The following MNAT1 variants were observed in gnomAD, a reference collection of about 807,000 sequenced individuals.
MNAT1 encodes the protein CDK-activating kinase assembly factor MAT1.
Under a neutral mutation model 42.0 loss-of-function variants are expected in MNAT1, and 43 were observed. The observed-to-expected ratio is 1.02, with a 90% CI of 0.80 to 1.32. The LOEUF (loss-of-function observed/expected upper bound fraction) is 1.32, where lower values mean the gene tolerates loss of function less well. Among genes scored for constraint, MNAT1 ranks in the 40% most tolerant of loss-of-function variants. The pLI is 0.00. For missense variants in MNAT1, 306 were observed against 350.4 expected (o/e 0.87, Z 1.01); for synonymous variants, 118 against 120.0 (o/e 0.98, Z 0.11).
At chr14:60,735,028 C>A in intron 1 of MNAT1, 77 bp downstream of exon 1, 1 of 1,381,030 alleles carries the variant, frequency 7.2e-7, no homozygotes, top group Non-Finnish European at 1.0e-6. Flanking sequence ...TGCTAGGCCT[C>A]GTCTTGGGAG....
At chr14:60,760,969 A>G (rs566545999) in intron 1 of MNAT1, among the ~76,000 whole-genome samples, 55 of 152,306 alleles carry the variant, frequency 3.6e-4, no homozygotes, top group African/African-American at 1.3e-3. Flanking sequence ...AAAACCAAAG[A>G]TTTTGCACAT....
intron 5 of MNAT1, among the ~76,000 whole-genome samples, chr14:60,814,646 A>G (rs946771739): frequency 2.6e-4 from 40 of 152,338 alleles, no homozygotes; most frequent in African/African-American, 8.7e-4. Context: ...AAGAGAAAGC[A>G]AGATTACTTA....
intron 7 of MNAT1, among the ~76,000 whole-genome samples, chr14:60,890,614 G>A (rs1434137204): frequency 6.6e-6 from 1 of 152,318 alleles, no homozygotes; most frequent in East Asian, 1.9e-4. Context: ...GTCTGTGGCC[G>A]AAGGCTTGAG....
At chr14:60,878,479 T>C (rs765129261) in intron 6 of MNAT1, among the ~76,000 whole-genome samples, 2 of 152,086 alleles carry the variant, frequency 1.3e-5, no homozygotes, top group African/African-American at 2.4e-5. Flanking sequence ...AAAATTGCCC[T>C]TGTTTGTTGA....
chr14:60,940,036 G>C lies in MNAT1; in HGVS notation c.810-28193G>C, dbSNP rs954750446. ...TTTGTTGGTTTAAAGTCTGTTTTAT[G>C]AGAGACTAGGATCGCAACCCCTGCC... is the stretch of plus-strand genomic sequence containing the variant. On this transcript the variant is annotated intron_variant, in intron 7 of 7. Transcript: ENST00000261245. Among the ~76,000 whole-genome samples the C allele has an allele frequency of 1.4e-4, 22 of 152,222 alleles. 1 individual carries two copies. Among genetic ancestry groups the C allele is most frequent in the Admixed American group, 1.2e-3 (19 of 15,284 alleles).
chr14:60,859,649 A>G (rs566254178), intron 6 of MNAT1, among the ~76,000 whole-genome samples: 1 of 152,358 alleles, frequency 6.6e-6, no homozygotes, highest in African/African-American at 2.4e-5. Flanking sequence ...TGTTCAAGAA[A>G]AAAAGTTTCA....
intron 6 of MNAT1, among the ~76,000 whole-genome samples, chr14:60,836,689 G>T (rs1044694760): frequency 6.6e-6 from 1 of 152,188 alleles, no homozygotes; most frequent in Non-Finnish European, 1.5e-5. Context: ...CTGTTGGGAG[G>T]TGTCTCCCAA....
chr14:60,842,654 T>C (rs1373892038), intron 6 of MNAT1, among the ~76,000 whole-genome samples: 1 of 152,222 alleles, frequency 6.6e-6, no homozygotes, highest in Non-Finnish European at 1.5e-5. Context: ...TTTTTGTTGT[T>C]TTGTATATCA....
chr14:60,781,488 G>T (rs961700175), intron 1 of MNAT1, among the ~76,000 whole-genome samples: 2 of 152,042 alleles, frequency 1.3e-5, no homozygotes, highest in Non-Finnish European at 2.9e-5. Context: ...TAAAATTGTT[G>T]TTTTTAGAGA....
chr14:60,938,646 G>C (rs2036065145), intron 7 of MNAT1, among the ~76,000 whole-genome samples: 1 of 152,104 alleles, frequency 6.6e-6, no homozygotes, highest in African/African-American at 2.4e-5. Flanking sequence ...GTATTTTTTT[G>C]AGAATTTTTG....
At chr14:60,912,276 G>A (rs369622248) in intron 7 of MNAT1, among the ~76,000 whole-genome samples, 9 of 152,018 alleles carry the variant, frequency 5.9e-5, no homozygotes, top group South Asian at 2.1e-4. Flanking sequence ...TCTTTATCCA[G>A]TTTGCCAGTG....
chr14:60,808,513 C>T, intron 4 of MNAT1, 85 bp downstream of exon 4: 1 of 798,438 alleles, frequency 1.3e-6, no homozygotes, highest in East Asian at 2.9e-5. Flanking sequence ...TTCCTTTAAA[C>T]CAGTTACATT....
At chr14:60,923,867 C>G (rs1020162980) in intron 7 of MNAT1, among the ~76,000 whole-genome samples, 2 of 152,106 alleles carry the variant, frequency 1.3e-5, no homozygotes, top group Admixed American at 1.3e-4. Context: ...GTAATCCCAG[C>G]TACTCTGCAG....
chr14:60,914,323 C>T (rs1050434138), intron 7 of MNAT1, among the ~76,000 whole-genome samples: 1 of 151,618 alleles, frequency 6.6e-6, no homozygotes, highest in Non-Finnish European at 1.5e-5. Context: ...GTGTACTGCA[C>T]CCACTGTCCT....
intron 1 of MNAT1, among the ~76,000 whole-genome samples, chr14:60,744,917 A>C (rs1896571738): frequency 6.6e-6 from 1 of 151,658 alleles, no homozygotes; most frequent in Non-Finnish European, 1.5e-5. Context: ...GTACTCCTCA[A>C]CTCTAGTGTA....
At chr14:60,903,966 C>G (rs1964901) in intron 7 of MNAT1, among the ~76,000 whole-genome samples, 139,842 of 151,274 alleles carry the variant, frequency 0.92, 65,164 homozygotes, top group Non-Finnish European at 0.99. Flanking sequence ...CTGCCTCCCA[C>G]GTTCAAGCAA....
At chr14:60,933,026 T>G (rs1243617574) in intron 7 of MNAT1, among the ~76,000 whole-genome samples, 1 of 152,074 alleles carries the variant, frequency 6.6e-6, no homozygotes, top group African/African-American at 2.4e-5. Context: ...TTTATAACCC[T>G]AGGCAGGTAA....
chr14:60,769,324 G>C (rs1469303624), intron 1 of MNAT1, among the ~76,000 whole-genome samples: 1 of 146,998 alleles, frequency 6.8e-6, no homozygotes, highest in Non-Finnish European at 1.5e-5. Context: ...CCAGGGTAGA[G>C]TGCAGTGGGA....
chr14:60,875,061 T>C (rs911375429), intron 6 of MNAT1, among the ~76,000 whole-genome samples: 5 of 152,128 alleles, frequency 3.3e-5, no homozygotes, highest in Non-Finnish European at 5.9e-5. Context: ...CTTTGTCTTA[T>C]CGTACTTATG....
Sources: gnomAD v4.1 joint callset for allele counts (sites outside exome capture counted in the v4.1 genomes callset) on GRCh38, gnomAD v4.1.1 for gene constraint, MANE v1.5 for transcripts, NCBI Gene and HGNC (gene_info 2026-07-23, HGNC 2026-07-21) for gene names.